The following TFCP2 variants were observed in gnomAD, a reference collection of about 807,000 sequenced individuals.
TFCP2 encodes the protein alpha-globin transcription factor CP2.
In TFCP2, 33 loss-of-function variants were observed where a neutral mutation model predicts 73.4. The ratio of observed to expected loss-of-function variants is 0.45; its 90% CI spans 0.34 to 0.60. TFCP2 has a LOEUF of 0.60. TFCP2 is among the 20% of genes least tolerant of loss of function. The probability of loss-of-function intolerance (pLI) is 0.01; values close to 1 mark genes in which losing one functional copy is unlikely to be tolerated. For synonymous variants in TFCP2, 193 were observed against 211.6 expected (o/e 0.91, Z 0.76); for missense variants, 352 against 604.0 (o/e 0.58, Z 4.37).
intron 8 of TFCP2, among the ~76,000 whole-genome samples, chr12:51,105,655 G>A (rs1384227005): frequency 1.3e-5 from 2 of 151,626 alleles, no homozygotes. Flanking sequence ...TTTGGTATTC[G>A]AACTTAGTAA....
intron 1 of TFCP2, 120 bp from the exon 2 acceptor site, chr12:51,118,892 T>C (rs1286556336): frequency 8.6e-7 from 1 of 1,167,496 alleles, no homozygotes; most frequent in African/African-American, 1.5e-5. Context: ...TTGGTGGAGT[T>C]TCATCCCAAG....
At chr12:51,162,419 C>G (rs1041319502) in intron 1 of TFCP2, among the ~76,000 whole-genome samples, 1 of 147,510 alleles carries the variant, frequency 6.8e-6, no homozygotes, top group East Asian at 2.0e-4. Flanking sequence ...GCACTTGAGC[C>G]TGGGTGATAG....
chr12:51,170,259 G>T (rs979449434), intron 1 of TFCP2, among the ~76,000 whole-genome samples: 2 of 151,914 alleles, frequency 1.3e-5, no homozygotes, highest in African/African-American at 2.4e-5. Context: ...AGAACATATG[G>T]AACTCAAGTT....
intron 1 of TFCP2, among the ~76,000 whole-genome samples, chr12:51,130,880 G>C (rs903192111): frequency 1.3e-5 from 2 of 151,586 alleles, no homozygotes; most frequent in African/African-American, 4.9e-5. Context: ...CCAGCTACTC[G>C]AGAGGCTGAG....
intron 1 of TFCP2, among the ~76,000 whole-genome samples, chr12:51,160,228 A>G (rs551638275): frequency 1.4e-5 from 2 of 145,856 alleles, no homozygotes; most frequent in South Asian, 4.3e-4. Context: ...CTCCGCCTCC[A>G]GGGTTCAAGC....
At chr12:51,159,953 A>G (rs549932002) in intron 1 of TFCP2, among the ~76,000 whole-genome samples, 2 of 152,290 alleles carry the variant, frequency 1.3e-5, no homozygotes, top group South Asian at 4.1e-4. Flanking sequence ...ACCAAAATTT[A>G]CCATCCAGGA....
intron 1 of TFCP2, among the ~76,000 whole-genome samples, chr12:51,167,446 G>A (rs563459199): frequency 1.3e-5 from 2 of 152,050 alleles, no homozygotes; most frequent in African/African-American, 4.8e-5. Context: ...AGGCTGGAGT[G>A]CAGTGGCTCG....
At position 51,172,699 on chromosome 12, in the gene TFCP2, C is replaced by A. The variant is rs944504400; in HGVS notation, c.-277G>T. On this transcript the variant is annotated 5_prime_UTR_variant, in exon 1 of 15. Transcript: ENST00000257915. ...CTTTGCTCAACTACTGCAGACTTCC[C>A]AGAGGCAGCTCTGGACTCCCGCACT... The A allele has an allele frequency of 8.5e-6, 3 of 353,180 alleles. No homozygotes were observed. The highest frequency in any genetic ancestry group is 1.6e-5 in the Non-Finnish European group (3 of 185,892). 21.9% of individuals were successfully genotyped at this position (353,180 alleles called of 1,614,324 possible). A position where few individuals can be genotyped will look rare whatever the true frequency, so the allele number is the denominator to read the frequency against.
intron 1 of TFCP2, among the ~76,000 whole-genome samples, chr12:51,133,383 T>C (rs575527807): frequency 4.3e-4 from 66 of 152,224 alleles, no homozygotes; most frequent in African/African-American, 1.5e-3. Context: ...CCACTCACTG[T>C]AGCCTCAGCC....
At chr12:51,108,137 T>C (rs1281868915) in intron 6 of TFCP2, among the ~76,000 whole-genome samples, 1 of 151,144 alleles carries the variant, frequency 6.6e-6, no homozygotes, top group Non-Finnish European at 1.5e-5. Flanking sequence ...ATACAAAAAA[T>C]TAGCTGGGCA....
chr12:51,101,026 G>A (rs774208210), intron 11 of TFCP2, among the ~76,000 whole-genome samples: 3 of 152,138 alleles, frequency 2.0e-5, no homozygotes, highest in East Asian at 1.9e-4. Context: ...CACATTTGCC[G>A]GGTGCGGTGG....
intron 10 of TFCP2, 114 bp from the exon 11 acceptor site, chr12:51,102,139 T>C: frequency 1.3e-6 from 1 of 750,554 alleles, no homozygotes; most frequent in Non-Finnish European, 2.2e-6. Flanking sequence ...CAATCCATAA[T>C]TTTCTTCATG....
At chr12:51,141,581 T>C (rs1941191744) in intron 1 of TFCP2, among the ~76,000 whole-genome samples, 1 of 151,866 alleles carries the variant, frequency 6.6e-6, no homozygotes, top group African/African-American at 2.4e-5. Context: ...ATAACTAAAA[T>C]AATAAGAATA....
At chr12:51,141,619 G>A (rs1454495970) in intron 1 of TFCP2, among the ~76,000 whole-genome samples, 1 of 151,932 alleles carries the variant, frequency 6.6e-6, no homozygotes, top group Non-Finnish European at 1.5e-5. Flanking sequence ...GGGGTCTTTA[G>A]CTGGGCAGGG....
chr12:51,157,060 G>C (rs1051220301), intron 1 of TFCP2: 3 of 148,710 alleles, frequency 2.0e-5, no homozygotes, highest in Admixed American at 6.8e-5. Context: ...TTGTTGTCCA[G>C]GCTGGAGTGC....
At chr12:51,133,263 C>T (rs896836029) in intron 1 of TFCP2, among the ~76,000 whole-genome samples, 2 of 151,972 alleles carry the variant, frequency 1.3e-5, no homozygotes, top group Non-Finnish European at 2.9e-5. Context: ...CAAGTTAATG[C>T]TATAAAACCT....
intron 9 of TFCP2, 68 bp from the exon 10 acceptor site, chr12:51,103,831 A>G: frequency 8.0e-7 from 1 of 1,244,168 alleles, no homozygotes; most frequent in Non-Finnish European, 1.2e-6. Context: ...GGTAACACAT[A>G]GCCAAACACC....
Position 51,149,024 on chromosome 12 carries a change from C to CAAAAAAAAAAAAAAA in TFCP2, c.122+23262_122+23276dup, listed in dbSNP as rs60318954. Among the ~76,000 whole-genome samples, 182 of 37,890 alleles carry CAAAAAAAAAAAAAAA rather than the reference C, an allele frequency of 4.8e-3. 24 individuals carry two copies. The highest frequency in any genetic ancestry group is 6.1e-3 in the Admixed American group (15 of 2,468). 24.9% of individuals were successfully genotyped at this position (37,890 alleles called of 152,430 possible). ...TGAGCAACAGAGCAAGACTCCATCTCAAAAAAAAAAAAAAAAACAGAAAGA... is the reference window on the plus strand; with the variant it reads ...TGAGCAACAGAGCAAGACTCCATCTCAAAAAAAAAAAAAAAAAAAAAAAAAAAAAAAACAGAAAGA... On this transcript the variant is annotated intron_variant, in intron 1 of 14. Transcript: ENST00000257915.
At chr12:51,159,657 T>G (rs1413119223) in intron 1 of TFCP2, among the ~76,000 whole-genome samples, 2 of 152,006 alleles carry the variant, frequency 1.3e-5, no homozygotes, top group African/African-American at 2.4e-5. Flanking sequence ...TTTCTGAAAT[T>G]TGGGTTTGTT....
Sources: gnomAD v4.1 joint callset for allele counts (sites outside exome capture counted in the v4.1 genomes callset) on GRCh38, gnomAD v4.1.1 for gene constraint, MANE v1.5 for transcripts, NCBI Gene and HGNC (gene_info 2026-07-23, HGNC 2026-07-21) for gene names.